The following C12orf60 variants were observed in gnomAD, a reference collection of about 807,000 sequenced individuals.
C12orf60 encodes uncharacterized protein C12orf60.
For missense variants in C12orf60, 284 were observed against 283.2 expected, an observed-to-expected ratio of 1.00 and a Z score of -0.02; for synonymous variants, 102 against 94.6, an observed-to-expected ratio of 1.08 and a Z score of -0.45.
At chr12:14,805,984 T>C in intron 1 of C12orf60, 1 of 1,578,420 alleles carries the variant, frequency 6.3e-7, no homozygotes, top group Non-Finnish European at 8.6e-7. Context: ...AACACTTCAG[T>C]GGCAAATAAA....
chr12:14,821,346 G>A (rs1214745490), intron 1 of C12orf60, among the ~76,000 whole-genome samples: 1 of 152,156 alleles, frequency 6.6e-6, no homozygotes, highest in Non-Finnish European at 1.5e-5. Context: ...CTGGAAGGCT[G>A]AAGTCAAGCA....
chr12:14,816,182 GAAGGCTGATTTGAC>G (rs1950215378), intron 1 of C12orf60, among the ~76,000 whole-genome samples: 1 of 151,190 alleles, frequency 6.6e-6, no homozygotes, highest in South Asian at 2.1e-4. Flanking sequence ...AGGGAATCAG[GAAGGCTGATTTGAC>G]AAGTTTCACT....
intron 1 of C12orf60, among the ~76,000 whole-genome samples, chr12:14,811,478 CAAAA>C (rs1170158821): frequency 6.6e-6 from 1 of 152,026 alleles, no homozygotes; most frequent in Non-Finnish European, 1.5e-5. Context: ...TAAAAAATGA[CAAAA>C]AACATCTGAA....
At chr12:14,819,604 G>A (rs951615038) in intron 1 of C12orf60, among the ~76,000 whole-genome samples, 2 of 152,120 alleles carry the variant, frequency 1.3e-5, no homozygotes, top group Non-Finnish European at 2.9e-5. Flanking sequence ...ATCCTGGGGG[G>A]TAGCAACTAG....
intron 1 of C12orf60, among the ~76,000 whole-genome samples, chr12:14,819,365 G>A (rs1279913331): frequency 1.3e-5 from 2 of 152,038 alleles, no homozygotes; most frequent in Non-Finnish European, 1.5e-5. Context: ...GAAAACAATC[G>A]ATATTTGAAT....
chr12:14,806,202 A>C (rs539521431), intron 1 of C12orf60: 1 of 1,614,202 alleles, frequency 6.2e-7, no homozygotes, highest in Admixed American at 1.7e-5. Context: ...AATACTACCA[A>C]GGAGAGAAGC....
intron 1 of C12orf60, among the ~76,000 whole-genome samples, chr12:14,804,009 A>T (rs1329254741): frequency 6.6e-6 from 1 of 152,178 alleles, no homozygotes; most frequent in Non-Finnish European, 1.5e-5. Context: ...GCAGAACAGA[A>T]CGTTTGTAGA....
At position 14,824,400 on chromosome 12, in the gene C12orf60, G is replaced by A. The variant is rs1031758655; in HGVS notation, c.*727G>A. On this transcript the variant is annotated 3_prime_UTR_variant, in exon 2 of 2. Coordinates refer to ENST00000330828, the MANE Select transcript of C12orf60 (RefSeq NM_175874.4). The stretch of plus-strand genomic sequence containing the variant: ...GCTTTATTTAAAGAAATGAGATAGG[G>A]CAGTCTCTTTGTCTACCATAAGTCT... 1.3e-5 allele frequency: 2 copies of A among 152,332 alleles called. No homozygotes were observed. The highest frequency in any genetic ancestry group is 4.1e-4 in the South Asian group (2 of 4,826). 9.4% of individuals were successfully genotyped at this position (152,332 alleles called of 1,614,324 possible).
At chr12:14,807,565 G>A (rs1357769084) in intron 1 of C12orf60, among the ~76,000 whole-genome samples, 1 of 152,154 alleles carries the variant, frequency 6.6e-6, no homozygotes, top group Admixed American at 6.5e-5. Context: ...TATCTCTACA[G>A]GCAAGTTATT....
rs1950045005 is a variant in C12orf60, at chr12:14,806,135, T to A, written c.-25+2384T>A. ...CTGCTTGAAGCTGTGTTTTTTCCACTGCTCCCAGGATGGCACGGACAATCA... is the reference window on the plus strand; with the variant it reads ...CTGCTTGAAGCTGTGTTTTTTCCACAGCTCCCAGGATGGCACGGACAATCA... On this transcript the variant is annotated intron_variant, in intron 1 of 1. Coordinates refer to ENST00000330828, the MANE Select transcript of C12orf60 (RefSeq NM_175874.4). The A allele has an allele frequency of 8.1e-6, 13 of 1,614,194 alleles. No homozygotes were observed. The East Asian group carries it at 2.9e-4, about 36-fold the overall frequency.
intron 1 of C12orf60, among the ~76,000 whole-genome samples, chr12:14,815,187 A>G (rs571172633): frequency 1.3e-5 from 2 of 152,294 alleles, no homozygotes; most frequent in East Asian, 3.9e-4. Context: ...TTTAAAATCT[A>G]AAGATGCTGC....
chr12:14,819,383 T>G (rs1950272294), intron 1 of C12orf60, among the ~76,000 whole-genome samples: 1 of 152,194 alleles, frequency 6.6e-6, no homozygotes, highest in Non-Finnish European at 1.5e-5. Flanking sequence ...AATGCTGACC[T>G]TGCATCTGCT....
intron 1 of C12orf60, chr12:14,805,734 C>T (rs1209224319): frequency 4.9e-6 from 2 of 405,304 alleles, no homozygotes; most frequent in Admixed American, 4.1e-5. Flanking sequence ...TAGCATTTAC[C>T]CCAATGTTGA....
intron 1 of C12orf60, chr12:14,806,534 G>A (rs1203441002): frequency 1.2e-6 from 2 of 1,614,060 alleles, no homozygotes; most frequent in Admixed American, 3.3e-5. Context: ...AGGCCAGCCT[G>A]CACCCCAAGT....
At chr12:14,806,095 C>G (rs762791212) in intron 1 of C12orf60, 1 of 1,614,154 alleles carries the variant, frequency 6.2e-7, no homozygotes, top group South Asian at 1.1e-5. Flanking sequence ...AGATGCTTCT[C>G]ATAACTTTTG....
chr12:14,819,604 G>C (rs951615038), intron 1 of C12orf60, among the ~76,000 whole-genome samples: 2 of 152,120 alleles, frequency 1.3e-5, no homozygotes, highest in African/African-American at 4.8e-5. Flanking sequence ...ATCCTGGGGG[G>C]TAGCAACTAG....
At chr12:14,816,023 C>A (rs1950210696) in intron 1 of C12orf60, among the ~76,000 whole-genome samples, 1 of 152,218 alleles carries the variant, frequency 6.6e-6, no homozygotes, top group Non-Finnish European at 1.5e-5. Flanking sequence ...CTTCTTTTTT[C>A]TGCAATCAGT....
At chr12:14,818,303 G>A (rs923034242) in intron 1 of C12orf60, among the ~76,000 whole-genome samples, 2 of 152,186 alleles carry the variant, frequency 1.3e-5, no homozygotes, top group African/African-American at 4.8e-5. Flanking sequence ...CTGTTGCTGC[G>A]CAGAAGCTCT....
At chr12:14,822,841 A>G (rs529276862) in intron 1 of C12orf60, 71 bp from the exon 2 acceptor site, 3 of 1,334,568 alleles carry the variant, frequency 2.2e-6, no homozygotes, top group South Asian at 3.0e-5. Flanking sequence ...TATTTAGACT[A>G]TACTTTCAGT....
Sources: allele counts gnomAD v4.1 joint callset (sites outside exome capture counted in the v4.1 genomes callset), GRCh38; gene constraint gnomAD v4.1.1; transcripts MANE v1.5; gene names NCBI Gene and HGNC (gene_info 2026-07-23, HGNC 2026-07-21).